FRMD4B: variants seen among roughly 807,000 people sequenced by gnomAD.
FRMD4B encodes FERM domain-containing protein 4B.
Under a neutral mutation model 141.5 loss-of-function variants are expected in FRMD4B, and 74 were observed. The observed-to-expected ratio is 0.52, with a 90% confidence interval of 0.43 to 0.63. The LOEUF is 0.63. FRMD4B is among the 30% of genes least tolerant of loss of function. FRMD4B has a pLI of 0.00. For missense variants in FRMD4B, 1,366 were observed against 1,253.4 expected, an observed-to-expected ratio of 1.09 and a Z score of -1.36; for synonymous variants, 506 against 467.9, an observed-to-expected ratio of 1.08 and a Z score of -1.05.
Position 69,202,198 on chromosome 3 carries a change from C to A in FRMD4B, c.877-3424G>T, listed in dbSNP as rs376702013. 2.4e-3 allele frequency among the ~76,000 whole-genome samples: 364 copies of A among 151,632 alleles called. 1 individual carries two copies. The highest frequency in any genetic ancestry group is 8.7e-3 in the African/African-American group (359 of 41,334). On this transcript the variant is annotated intron_variant, in intron 11 of 22. Transcript: ENST00000398540. Reference sequence around the variant, plus strand: ...AACCTTGGCGACAAGAGCGAAAATCCGTCTCAAAAAAAAGAAAAGTCATGA... The same window carrying A: ...AACCTTGGCGACAAGAGCGAAAATCAGTCTCAAAAAAAAGAAAAGTCATGA...
intron 1 of FRMD4B, among the ~76,000 whole-genome samples, chr3:69,332,742 ATTTTT>A: frequency 1.5e-5 from 1 of 67,550 alleles, no homozygotes; most frequent in South Asian, 6.6e-4. Flanking sequence ...ACACCTGGCT[ATTTTT>A]TTTTTTTTTT....
intron 1 of FRMD4B, among the ~76,000 whole-genome samples, chr3:69,486,544 T>G (rs548859693): frequency 1.3e-5 from 2 of 152,328 alleles, no homozygotes; most frequent in African/African-American, 2.4e-5. Flanking sequence ...GCCAGGTAAC[T>G]AAGCCATTAA....
Position 69,286,444 on chromosome 3 carries a change from G to A in FRMD4B, c.501+1308C>T, listed in dbSNP as rs1700691438. Among the ~76,000 whole-genome samples, 3 of 136,616 alleles carry A rather than the reference G, an allele frequency of 2.2e-5. 1 individual carries two copies. Among genetic ancestry groups the A allele is most frequent in the Admixed American group, 8.1e-5 (1 of 12,350 alleles). 89.6% of individuals were successfully genotyped at this position (136,616 alleles called of 152,430 possible). ...ATGTGAAGTGGTATAATATCATCTTGAAGGTAGACTTGATAAGTTAAAAAT... is the reference window on the plus strand; with the variant it reads ...ATGTGAAGTGGTATAATATCATCTTAAAGGTAGACTTGATAAGTTAAAAAT... On this transcript the variant is annotated intron_variant, in intron 5 of 22. Transcript: ENST00000398540.
At chr3:69,177,514 G>A (rs2092659886) in intron 21 of FRMD4B, among the ~76,000 whole-genome samples, 1 of 152,060 alleles carries the variant, frequency 6.6e-6, no homozygotes, top group Non-Finnish European at 1.5e-5. Flanking sequence ...GCCTGGCATG[G>A]TGGTGCACAC....
intron 2 of FRMD4B, 45 bp downstream of exon 2, chr3:69,313,407 C>G (rs1163042138): frequency 1.5e-6 from 2 of 1,372,494 alleles, no homozygotes; most frequent in Admixed American, 3.9e-5. Context: ...TAAAACCTAC[C>G]TGGGCAAGAC....
chr3:69,186,979 AT>A (rs1214036265), intron 19 of FRMD4B, among the ~76,000 whole-genome samples: 1 of 152,150 alleles, frequency 6.6e-6, no homozygotes, highest in East Asian at 1.9e-4. Context: ...CCCTGATAAT[AT>A]TTACCTGAGA....
chr3:69,540,613 T>TAAAAAAAAAAAAAAA (rs1157655761), intron 1 of FRMD4B, among the ~76,000 whole-genome samples: 1 of 14,008 alleles, frequency 7.1e-5, no homozygotes, highest in African/African-American at 3.8e-4. Flanking sequence ...ACTCTGTCTC[T>TAAAAAAAAAAAAAAA]AAAAAAAAAA....
At chr3:69,376,855 A>G (rs749102913) in intron 1 of FRMD4B, 1 of 152,114 alleles carries the variant, frequency 6.6e-6, no homozygotes, top group Non-Finnish European at 1.5e-5. Flanking sequence ...ACTTTTCCAC[A>G]ACAACCAACT....
intron 5 of FRMD4B, among the ~76,000 whole-genome samples, chr3:69,285,595 C>A (rs1258025719): frequency 6.6e-6 from 1 of 152,126 alleles, no homozygotes; most frequent in Non-Finnish European, 1.5e-5. Flanking sequence ...ATAATCCCAG[C>A]ACTTTGGGAG....
intron 1 of FRMD4B, among the ~76,000 whole-genome samples, chr3:69,325,085 A>AAG (rs1553724229): frequency 0.067 from 5,344 of 80,136 alleles, 172 homozygotes; most frequent in East Asian, 0.077. Flanking sequence ...TAAAAAAAAA[A>AAG]AAAGAAAGAA....
chr3:69,383,560 TTTAA>T (rs1397004394), intron 1 of FRMD4B, among the ~76,000 whole-genome samples: 2 of 152,168 alleles, frequency 1.3e-5, no homozygotes, highest in South Asian at 2.1e-4. Context: ...CTTTAAATAT[TTTAA>T]TTAATTAATT....
intron 1 of FRMD4B, among the ~76,000 whole-genome samples, chr3:69,477,851 G>C (rs928560252): frequency 6.6e-6 from 1 of 151,010 alleles, no homozygotes; most frequent in African/African-American, 2.5e-5. Context: ...TTTTTGGTTG[G>C]TAAGCTATTG....
At chr3:69,385,679 A>C in intron 1 of FRMD4B, 149 bp downstream of exon 1, 1 of 607,450 alleles carries the variant, frequency 1.6e-6, no homozygotes, top group Non-Finnish European at 2.6e-6. Flanking sequence ...ATAATTACCT[A>C]GAGCTGCTGA....
At chr3:69,418,939 C>T (rs1704923236) in intron 2 of FRMD4B, among the ~76,000 whole-genome samples, 2 of 152,072 alleles carry the variant, frequency 1.3e-5, no homozygotes, top group South Asian at 4.2e-4. Flanking sequence ...AAAACTAATA[C>T]TCTTGGTTTG....
chr3:69,328,520 G>T (rs1702257305), intron 1 of FRMD4B, among the ~76,000 whole-genome samples: 1 of 152,162 alleles, frequency 6.6e-6, no homozygotes, highest in Non-Finnish European at 1.5e-5. Context: ...TGCATTCACA[G>T]GAGGTCAGGC....
chr3:69,423,213 A>G (rs571567402), intron 2 of FRMD4B, among the ~76,000 whole-genome samples: 13 of 152,328 alleles, frequency 8.5e-5, no homozygotes, highest in Admixed American at 5.9e-4. Flanking sequence ...CAGTGGCACA[A>G]TCATAGCCCA....
intron 1 of FRMD4B, among the ~76,000 whole-genome samples, chr3:69,376,493 T>A (rs1177020805): frequency 1.3e-5 from 2 of 151,944 alleles, no homozygotes; most frequent in African/African-American, 2.4e-5. Context: ...CAAGGTTACA[T>A]AAAAGTACCA....
rs533721619 is a variant in FRMD4B, at chr3:69,327,160, T to C, written c.163-13643A>G. On this transcript the variant is annotated intron_variant, in intron 1 of 22. Coordinates refer to ENST00000398540, the MANE Select transcript of FRMD4B (RefSeq NM_015123.3). Reference sequence around the variant, plus strand: ...AAATGGAAATTTTGGCTTCAGTGAGTATGCAAGCAGCAGACACCCTGTGGT... The same window carrying C: ...AAATGGAAATTTTGGCTTCAGTGAGCATGCAAGCAGCAGACACCCTGTGGT... Among the ~76,000 whole-genome samples the C allele has an allele frequency of 4.6e-5, 7 of 152,168 alleles. No individual in the cohort carries two copies. The South Asian group carries it at 1.2e-3, about 27-fold the overall frequency.
At chr3:69,223,734 G>A (rs1050956009) in intron 8 of FRMD4B, among the ~76,000 whole-genome samples, 4 of 151,996 alleles carry the variant, frequency 2.6e-5, no homozygotes, top group African/African-American at 9.7e-5. Flanking sequence ...TGCTACTCGG[G>A]AAGCTGAGGC....
Sources: allele counts gnomAD v4.1 joint callset (sites outside exome capture counted in the v4.1 genomes callset), GRCh38; gene constraint gnomAD v4.1.1; transcripts MANE v1.5; gene names NCBI Gene and HGNC (gene_info 2026-07-23, HGNC 2026-07-21).